The following IPMK variants were observed in gnomAD, a reference collection of about 807,000 sequenced individuals.
IPMK encodes the protein inositol 1,3,4,6-tetrakisphosphate 5-kinase.
A neutral mutation model predicts 45.8 loss-of-function variants in IPMK; 17 were observed. That is an observed-to-expected ratio of 0.37 (90% CI 0.25 to 0.56). IPMK has a LOEUF of 0.56. Among genes scored for constraint, IPMK ranks in the 20% least tolerant of loss-of-function variants. The probability of loss-of-function intolerance (pLI) is 0.79; values close to 1 mark genes in which losing one functional copy is unlikely to be tolerated. For synonymous variants in IPMK, 180 were observed against 184.3 expected (o/e 0.98, Z 0.19); for missense variants, 399 against 498.0 (o/e 0.80, Z 1.89).
In IPMK at chr10:58,195,240, G is replaced by A. The variant is rs1190679040; in HGVS notation, c.*836C>T. The A allele has an allele frequency of 6.6e-6, 1 of 151,900 alleles. No homozygotes were observed. The highest frequency in any genetic ancestry group is 1.5e-5 in the Non-Finnish European group (1 of 67,880). 9.4% of individuals were successfully genotyped at this position (151,900 alleles called of 1,614,324 possible). On this transcript the variant is annotated 3_prime_UTR_variant, in exon 6 of 6. Transcript: ENST00000373935. Reference sequence around the variant, plus strand: ...TAAAACTTCAATTATTTACTTTTTTGAAGCTGCATTTAGATACAAAGGTAT... The same window carrying A: ...TAAAACTTCAATTATTTACTTTTTTAAAGCTGCATTTAGATACAAAGGTAT...
intron 4 of IPMK, among the ~76,000 whole-genome samples, chr10:58,200,909 T>C (rs1434221516): frequency 6.6e-6 from 1 of 152,210 alleles, no homozygotes; most frequent in East Asian, 1.9e-4. Flanking sequence ...TGTGTAATGA[T>C]AAAGTGAGGG....
chr10:58,237,473 G>A (rs779283054), intron 2 of IPMK, among the ~76,000 whole-genome samples: 1 of 152,112 alleles, frequency 6.6e-6, no homozygotes, highest in Non-Finnish European at 1.5e-5. Flanking sequence ...CTCACACAGA[G>A]GGTAATTTTA....
chr10:58,257,936 G>A (rs1838996949), intron 1 of IPMK, among the ~76,000 whole-genome samples: 1 of 152,150 alleles, frequency 6.6e-6, no homozygotes, highest in South Asian at 2.1e-4. Flanking sequence ...CAAAATACAT[G>A]AAGCAAAAAC....
Position 58,259,677 on chromosome 10 carries a change from A to AAAAAAAAAAAAAAAAC in IPMK, c.190+7744_190+7745insGTTTTTTTTTTTTTTT, listed in dbSNP as rs1554825696. Among the ~76,000 whole-genome samples the AAAAAAAAAAAAAAAAC allele has an allele frequency of 6.1e-5, 9 of 148,162 alleles. 1 individual carries two copies. The highest frequency in any genetic ancestry group is 4.0e-4 in the East Asian group (2 of 5,012). On this transcript the variant is annotated intron_variant, in intron 1 of 5. Coordinates refer to ENST00000373935, the MANE Select transcript of IPMK (RefSeq NM_152230.5). ...GTAAAATCCCATCTCTACATAAAAA[A>AAAAAAAAAAAAAAAAC]AAAAAAAAAACAATTAGCCAGGCAT...
At chr10:58,208,169 TG>T (rs1221404128) in intron 4 of IPMK, among the ~76,000 whole-genome samples, 1 of 152,130 alleles carries the variant, frequency 6.6e-6, no homozygotes, top group East Asian at 1.9e-4. Flanking sequence ...CTCGATCTCC[TG>T]ACCTCGTGAT....
In IPMK at chr10:58,194,074, C is replaced by T. The variant is rs893741442; in HGVS notation, c.*2002G>A. 6.6e-6 allele frequency: 1 copy of T among 151,692 alleles called. No homozygotes were observed. The highest frequency in any genetic ancestry group is 2.4e-5 in the African/African-American group (1 of 41,396). The allele number at this position is 151,692 out of a possible 1,614,324, so 9.4% of individuals were successfully genotyped here. On this transcript the variant is annotated 3_prime_UTR_variant, in exon 6 of 6. Transcript: ENST00000373935. Reference sequence around the variant, plus strand: ...ACATTGATTTTACAAAATTGTATTTCCAAATGCAGATAAAAAAATCTTGAA... The same window carrying T: ...ACATTGATTTTACAAAATTGTATTTTCAAATGCAGATAAAAAAATCTTGAA...
At position 58,247,963 on chromosome 10, in the gene IPMK, C is replaced by G. The variant is rs180886281; in HGVS notation, c.191-10149G>C. Among the ~76,000 whole-genome samples, 15 of 152,252 alleles carry G rather than the reference C, an allele frequency of 9.9e-5. No individual in the cohort carries two copies. The East Asian group carries it at 2.7e-3, about 27-fold the overall frequency. On this transcript the variant is annotated intron_variant, in intron 1 of 5. Transcript: ENST00000373935. ...CCACAGCTTGCTCCACAGCTACAGA[C>G]TTTTTCCTTTATGTATGTGTTGCCC...
chr10:58,251,484 TG>T (rs35427074), intron 1 of IPMK, among the ~76,000 whole-genome samples: 51,078 of 151,666 alleles, frequency 0.34, 10,756 homozygotes, highest in African/African-American at 0.6. Context: ...ATTCTGTAAA[TG>T]TCTGTTGGGT....
At chr10:58,248,945 C>T (rs763824911) in intron 1 of IPMK, among the ~76,000 whole-genome samples, 3 of 152,162 alleles carry the variant, frequency 2.0e-5, no homozygotes, top group African/African-American at 2.4e-5. Flanking sequence ...GTTGTGGACA[C>T]GTAGGTTGAT....
chr10:58,243,865 C>A (rs1479394094), intron 1 of IPMK, among the ~76,000 whole-genome samples: 1 of 151,926 alleles, frequency 6.6e-6, no homozygotes, highest in Non-Finnish European at 1.5e-5. Context: ...TGCCCGGCCG[C>A]CCCATCTGGG....
intron 1 of IPMK, among the ~76,000 whole-genome samples, chr10:58,248,092 A>G (rs1457091083): frequency 6.6e-6 from 1 of 152,168 alleles, no homozygotes; most frequent in Non-Finnish European, 1.5e-5. Flanking sequence ...GGAAAAGTGC[A>G]AAGAATAAAA....
intron 1 of IPMK, among the ~76,000 whole-genome samples, chr10:58,261,148 T>C: frequency 6.8e-6 from 1 of 147,780 alleles, no homozygotes; most frequent in East Asian, 2.0e-4. Context: ...AACTGATACA[T>C]ACGAATTTCT....
intron 3 of IPMK, among the ~76,000 whole-genome samples, chr10:58,217,526 T>C (rs760192922): frequency 8.6e-5 from 13 of 151,406 alleles, no homozygotes; most frequent in Non-Finnish European, 1.8e-4. Context: ...CCGTCTCTAC[T>C]AATAATACAA....
intron 1 of IPMK, among the ~76,000 whole-genome samples, chr10:58,240,381 A>C (rs1838678798): frequency 6.6e-6 from 1 of 152,000 alleles, no homozygotes; most frequent in African/African-American, 2.4e-5. Flanking sequence ...AAAAGAAAAA[A>C]AAAATGTATA....
chr10:58,255,843 T>C (rs72474274), intron 1 of IPMK, among the ~76,000 whole-genome samples: 1 of 152,180 alleles, frequency 6.6e-6, no homozygotes, highest in Non-Finnish European at 1.5e-5. Flanking sequence ...TTCATGGACA[T>C]TTATTAGTTC....
At position 58,267,431 on chromosome 10, in the gene IPMK, C is replaced by A; in HGVS notation, c.181G>T (p.Asp61Tyr). The A allele has an allele frequency of 6.2e-7, 1 of 1,613,882 alleles. No homozygotes were observed. Among genetic ancestry groups the A allele is most frequent in the Non-Finnish European group, 8.5e-7 (1 of 1,179,856 alleles). Residue 61 changes from aspartate (D) to tyrosine (Y), a missense_variant, in exon 1 of 6, where the codon GAC (aspartate) becomes TAC (tyrosine). By Grantham distance (160) the Asp-to-Tyr change is radical (BLOSUM62 -3). Transcript: ENST00000373935. ...TGCCACCCCCACTTACCCACTTTGT[C>A]CTTCCCGTACATGTGCCCGGCCACC... ...HQVAGHMYGK[D>Y]KVGILQHPDG...
Position 58,267,444 on chromosome 10 carries a change from G to A in IPMK, c.168C>T (p.His56=), listed in dbSNP as rs772925065. The A allele has an allele frequency of 2.5e-6, 4 of 1,613,820 alleles. No homozygotes were observed. Among genetic ancestry groups the A allele is most frequent in the Non-Finnish European group, 3.4e-6 (4 of 1,179,898 alleles). ...TACCCACTTTGTCCTTCCCGTACAT[G>A]TGCCCGGCCACCTGATGCGAGAGGG... The part of the protein sequence containing the change: ...CVPLSHQVAG[H]MYGKDKVGIL... Residue 56 remains histidine (H), a synonymous_variant, in exon 1 of 6, where the codon CAC becomes CAT. Transcript: ENST00000373935.
At chr10:58,203,130 G>T (rs1698437) in intron 4 of IPMK, among the ~76,000 whole-genome samples, 1 of 152,052 alleles carries the variant, frequency 6.6e-6, no homozygotes, top group African/African-American at 2.4e-5. Context: ...GAGTTTGGAA[G>T]AAGTTAATTC....
intron 1 of IPMK, among the ~76,000 whole-genome samples, chr10:58,263,254 T>C (rs1459816041): frequency 6.6e-6 from 1 of 151,938 alleles, no homozygotes; most frequent in Non-Finnish European, 1.5e-5. Flanking sequence ...GGCCCAGCAG[T>C]GGTTCATGCC....
Sources: allele counts gnomAD v4.1 joint callset (sites outside exome capture counted in the v4.1 genomes callset), GRCh38; gene constraint gnomAD v4.1.1; transcripts MANE v1.5; gene names NCBI Gene and HGNC (gene_info 2026-07-23, HGNC 2026-07-21).